AFF3: variants seen among roughly 807,000 people sequenced by gnomAD.
AFF3 encodes AF4/FMR2 family member 3.
AFF3 carries 32 observed loss-of-function variants against 129.7 expected under a neutral mutation model. The observed-to-expected ratio is 0.25, with a 90% confidence interval of 0.19 to 0.33. The LOEUF (loss-of-function observed/expected upper bound fraction) is 0.33, where lower values mean the gene tolerates loss of function less well. Ranked by LOEUF, AFF3 falls within the 10% of genes least tolerant of loss-of-function variation. AFF3 has a pLI of 1.00. For synonymous variants in AFF3, 644 were observed against 635.4 expected (o/e 1.01, Z -0.20); for missense variants, 1,373 against 1,592.0 (o/e 0.86, Z 2.34).
chr2:99,582,198 C>T lies in AFF3; in HGVS notation c.2793+600G>A, dbSNP rs571540863. On this transcript the variant is annotated intron_variant, in intron 17 of 24. Transcript: ENST00000672756. ...TGTCTCTTTTAAGTCTTATCACTAC[C>T]ATTTTGCAGGTAAAGAAACAGGAGC... is the stretch of plus-strand genomic sequence containing the variant. 3.3e-5 allele frequency among the ~76,000 whole-genome samples: 5 copies of T among 152,232 alleles called. No homozygotes were observed. In the East Asian group the frequency reaches 7.7e-4, roughly 24 times the overall value.
At chr2:100,082,474 G>C (rs62149342) in intron 4 of AFF3, among the ~76,000 whole-genome samples, 1 of 151,916 alleles carries the variant, frequency 6.6e-6, no homozygotes, top group African/African-American at 2.4e-5. Context: ...AACATGGACT[G>C]TCTTCCACCT....
chr2:99,901,999 C>G (rs1447991337), intron 7 of AFF3, among the ~76,000 whole-genome samples: 6 of 151,374 alleles, frequency 4.0e-5, no homozygotes, highest in Admixed American at 4.0e-4. Flanking sequence ...AATGTTTTTC[C>G]CTCTGTGCCT....
At chr2:100,039,558 A>G (rs1407421309) in intron 4 of AFF3, among the ~76,000 whole-genome samples, 1 of 150,834 alleles carries the variant, frequency 6.6e-6, no homozygotes, top group South Asian at 2.1e-4. Flanking sequence ...ACTCCTCTCT[A>G]AAAAAAAACA....
chr2:100,098,407 T>C lies in AFF3; in HGVS notation c.53+5995A>G, dbSNP rs550784551. 1.9e-3 allele frequency among the ~76,000 whole-genome samples: 288 copies of C among 151,942 alleles called. 6 individuals are homozygous for C. Among genetic ancestry groups the C allele is most frequent in the Non-Finnish European group, 2.8e-3 (193 of 67,942 alleles). On this transcript the variant is annotated intron_variant, in intron 4 of 24. Coordinates refer to ENST00000672756, the MANE Select transcript of AFF3 (RefSeq NM_001386135.1). ...ATAAAAAAAAAATCAAACAGGCAAATCTATTCCAGGTTAAAAATTCCACTT... is the reference window on the plus strand; with the variant it reads ...ATAAAAAAAAAATCAAACAGGCAAACCTATTCCAGGTTAAAAATTCCACTT...
intron 18 of AFF3, among the ~76,000 whole-genome samples, chr2:99,574,387 A>G (rs913361138): frequency 3.3e-5 from 5 of 152,184 alleles, no homozygotes; most frequent in African/African-American, 1.2e-4. Context: ...CTGTATCCCA[A>G]AGGAACTAAC....
intron 7 of AFF3, among the ~76,000 whole-genome samples, chr2:99,864,156 A>C (rs1476011345): frequency 6.6e-6 from 1 of 152,216 alleles, no homozygotes; most frequent in Non-Finnish European, 1.5e-5. Flanking sequence ...TCCCGTGCTT[A>C]TGTGATCCAA....
chr2:99,935,238 T>C (rs939791663), intron 7 of AFF3, among the ~76,000 whole-genome samples: 2 of 152,216 alleles, frequency 1.3e-5, no homozygotes, highest in Non-Finnish European at 2.9e-5. Context: ...AGCTACTTGG[T>C]GGCCACCACT....
chr2:99,921,169 T>TA (rs1361835827), intron 7 of AFF3, among the ~76,000 whole-genome samples: 2 of 152,070 alleles, frequency 1.3e-5, no homozygotes, highest in Admixed American at 1.3e-4. Flanking sequence ...ACATCAAAGC[T>TA]AAAAATTGTT....
intron 2 of AFF3, chr2:100,107,553 G>A: frequency 1.0e-6 from 1 of 968,360 alleles, no homozygotes; most frequent in Non-Finnish European, 1.2e-6. Flanking sequence ...TAGTGCTTGT[G>A]ACCTGAGGGT....
chr2:99,928,787 T>C (rs138841231), intron 7 of AFF3, among the ~76,000 whole-genome samples: 96 of 152,248 alleles, frequency 6.3e-4, no homozygotes, highest in African/African-American at 2.3e-3. Context: ...CACCCCAACC[T>C]CAGTTCACTT....
At chr2:99,598,652 A>G (rs1679521735) in intron 14 of AFF3, among the ~76,000 whole-genome samples, 2 of 152,334 alleles carry the variant, frequency 1.3e-5, no homozygotes, top group East Asian at 3.9e-4. Context: ...AGTGAGGAAC[A>G]GAGGCGTTCT....
At chr2:100,016,555 T>C (rs1228880129) in intron 4 of AFF3, among the ~76,000 whole-genome samples, 1 of 149,972 alleles carries the variant, frequency 6.7e-6, no homozygotes, top group Admixed American at 6.6e-5. Context: ...GCGATGGTGA[T>C]AGTATTGGTG....
chr2:99,598,464 A>G (rs775446943), intron 14 of AFF3, among the ~76,000 whole-genome samples: 2 of 152,240 alleles, frequency 1.3e-5, no homozygotes, highest in Admixed American at 6.5e-5. Context: ...CTACGCGGGA[A>G]CATGGCATTA....
chr2:99,830,408 G>A (rs1247192352), intron 8 of AFF3, among the ~76,000 whole-genome samples: 1 of 152,204 alleles, frequency 6.6e-6, no homozygotes, highest in Non-Finnish European at 1.5e-5. Context: ...AAGAATAAAT[G>A]TCTGCAAAGC....
intron 4 of AFF3, among the ~76,000 whole-genome samples, chr2:100,085,116 C>T (rs1271123735): frequency 2.7e-5 from 4 of 149,154 alleles, no homozygotes; most frequent in Non-Finnish European, 4.5e-5. Flanking sequence ...AAAAATATCA[C>T]GCTTTGTCGA....
At chr2:99,959,725 G>A (rs932951386) in intron 7 of AFF3, among the ~76,000 whole-genome samples, 2 of 146,308 alleles carry the variant, frequency 1.4e-5, no homozygotes, top group African/African-American at 2.6e-5. Flanking sequence ...ATATATATGC[G>A]ATTATTGGCA....
intron 7 of AFF3, among the ~76,000 whole-genome samples, chr2:99,947,601 AAGATAGATAGATAGATAGATAGAT>A (rs70940190): frequency 7.0e-4 from 95 of 136,600 alleles, no homozygotes; most frequent in Middle Eastern, 3.8e-3. Flanking sequence ...GAAAGAAAGA[AAGATAGATAGATAGATAGATAGAT>A]AGATAGATAG....
At chr2:99,954,459 T>C (rs1259767272) in intron 7 of AFF3, among the ~76,000 whole-genome samples, 2 of 152,068 alleles carry the variant, frequency 1.3e-5, no homozygotes, top group African/African-American at 4.8e-5. Flanking sequence ...TAAAGACACA[T>C]GCACACATAT....
intron 8 of AFF3, among the ~76,000 whole-genome samples, chr2:99,756,879 G>T (rs1382204807): frequency 6.6e-6 from 1 of 152,102 alleles, no homozygotes; most frequent in Non-Finnish European, 1.5e-5. Flanking sequence ...TTAATGAAAC[G>T]AATACCTGTG....
Sources: allele counts gnomAD v4.1 joint callset (sites outside exome capture counted in the v4.1 genomes callset), GRCh38; gene constraint gnomAD v4.1.1; transcripts MANE v1.5; gene names NCBI Gene and HGNC (gene_info 2026-07-23, HGNC 2026-07-21).